KLHDC4: variants seen among roughly 807,000 people sequenced by gnomAD.
The protein encoded by KLHDC4 is kelch domain-containing protein 4.
In KLHDC4, 90 loss-of-function variants were observed where a neutral mutation model predicts 62.4. The ratio of observed to expected loss-of-function variants is 1.44; its 90% CI spans 1.22 to 1.72. The LOEUF (loss-of-function observed/expected upper bound fraction) is 1.72. KLHDC4 is among the 40% of genes most tolerant of loss of function. The pLI, the probability that KLHDC4 is intolerant of heterozygous loss-of-function variation, is 0.00. For missense variants in KLHDC4, 1,025 were observed against 699.7 expected, an observed-to-expected ratio of 1.47 and a Z score of -5.25; for synonymous variants, 386 against 284.4, an observed-to-expected ratio of 1.36 and a Z score of -3.59.
rs142595096 is a variant in KLHDC4, at chr16:87,740,200, A to T, written c.506+8473T>A. 1.4e-3 allele frequency among the ~76,000 whole-genome samples: 219 copies of T among 152,252 alleles called. 3 individuals carry two copies. The East Asian group carries it at 0.036, about 25-fold the overall frequency. On this transcript the variant is annotated intron_variant, in intron 5 of 11. Coordinates refer to ENST00000270583, the MANE Select transcript of KLHDC4 (RefSeq NM_017566.4). The stretch of plus-strand genomic sequence containing the variant: ...GGCAGGCAGACCTAACCAAACTCTG[A>T]ATCTTCAAAGCCAGCAAGCTCAGCC...
chr16:87,700,145 G>A (rs1438076538), exon 1 of KLHDC4: 2 of 152,538 alleles, frequency 1.3e-5, no homozygotes, highest in African/African-American at 4.8e-5. Flanking sequence ...ACGTGCGACA[G>A]ACGCTCTGCA....
At chr16:87,721,651 CA>C (rs2038374014) in intron 7 of KLHDC4, among the ~76,000 whole-genome samples, 1 of 152,196 alleles carries the variant, frequency 6.6e-6, no homozygotes, top group South Asian at 2.1e-4. Context: ...TCCACACTCG[CA>C]ACAACTCTGT....
intron 1 of KLHDC4, chr16:87,763,725 A>G (rs1391161144): frequency 6.6e-6 from 1 of 152,272 alleles, no homozygotes; most frequent in Non-Finnish European, 1.5e-5. Context: ...ATGTACCGCG[A>G]AAGCTTTGCT....
intron 5 of KLHDC4, among the ~76,000 whole-genome samples, chr16:87,742,354 T>A (rs938997646): frequency 6.6e-5 from 10 of 152,220 alleles, no homozygotes; most frequent in East Asian, 5.8e-4. Flanking sequence ...GAGAATGCTT[T>A]CATTCTGCAA....
In KLHDC4 at chr16:87,761,986, G is replaced by A. The variant is rs181978859; in HGVS notation, c.154C>T (p.Gln52Ter). 1.9e-5 allele frequency: 31 copies of A among 1,614,000 alleles called. No homozygotes were observed. In the East Asian group the frequency reaches 6.9e-4, roughly 36 times the overall value. The change falls in exon 2 of 12, where the codon CAG becomes TAG. Residue 52 changes from glutamine (Q) to a stop codon, truncating the protein, a stop_gained. Coordinates refer to ENST00000270583, the MANE Select transcript of KLHDC4 (RefSeq NM_017566.4). LOFTEE classifies it high-confidence loss of function. ...HFQTLDAKRTQTVELPCPPPS... is the reference protein window; with the variant it reads ...HFQTLDAKRT ...GGGGGGCACGGAAGTTCCACAGTCT[G>A]AGTCCTCTTGGCATCGAGTGTCTGG...
At chr16:87,738,522 C>G (rs1339793510) in intron 5 of KLHDC4, among the ~76,000 whole-genome samples, 7 of 152,142 alleles carry the variant, frequency 4.6e-5, no homozygotes, top group African/African-American at 7.2e-5. Context: ...CAACAGAAAA[C>G]CAAAACGTGG....
At chr16:87,704,430 G>A (rs113619464), downstream of KLHDC4, among the ~76,000 whole-genome samples, 2 of 54,380 alleles carry the variant, frequency 3.7e-5, no homozygotes, top group East Asian at 5.2e-4. Context: ...TGAACGTCAC[G>A]GGGAAGGAGG....
chr16:87,713,428 C>T (rs1201914444), intron 8 of KLHDC4, among the ~76,000 whole-genome samples: 2 of 151,358 alleles, frequency 1.3e-5, no homozygotes, highest in African/African-American at 4.9e-5. Context: ...AAACTCTTGG[C>T]CTCAAGCAAT....
chr16:87,731,046 C>CTTTTTTTTTTTTTTTTTTTTTT lies in KLHDC4; in HGVS notation c.507-424_507-403dup, dbSNP rs774096264. 2.8e-5 allele frequency: 2 copies of CTTTTTTTTTTTTTTTTTTTTTT among 72,030 alleles called. 1 individual carries two copies. Among genetic ancestry groups the CTTTTTTTTTTTTTTTTTTTTTT allele is most frequent in the Non-Finnish European group, 5.6e-5 (2 of 36,024 alleles). The allele number at this position is 72,030 out of a possible 1,614,324, so 4.5% of individuals were successfully genotyped here. A position where few individuals can be genotyped will look rare whatever the true frequency, so the allele number is the denominator to read the frequency against. On this transcript the variant is annotated intron_variant, in intron 5 of 11. Coordinates refer to ENST00000270583, the MANE Select transcript of KLHDC4 (RefSeq NM_017566.4). ...TTGTATCCAGAATACATACAGAATTCTTTTTTTTTTTTTTTTTTTTTTTTT... is the reference window on the plus strand; with the variant it reads ...TTGTATCCAGAATACATACAGAATTCTTTTTTTTTTTTTTTTTTTTTTTTTTTTTTTTTTTTTTTTTTTTTTT...
At chr16:87,721,768 A>C (rs1171016897) in intron 7 of KLHDC4, among the ~76,000 whole-genome samples, 1 of 152,208 alleles carries the variant, frequency 6.6e-6, no homozygotes, top group Non-Finnish European at 1.5e-5. Context: ...GGGCGTGCAG[A>C]GAACAGCCCT....
At chr16:87,742,770 A>G (rs12599814) in intron 5 of KLHDC4, among the ~76,000 whole-genome samples, 7,774 of 152,270 alleles carry the variant, frequency 0.051, 274 homozygotes, top group East Asian at 0.15. Context: ...CTCTGCCAGC[A>G]GACAGCTCTG....
In KLHDC4 at chr16:87,758,248, A is replaced by G. The variant is rs116354511; in HGVS notation, c.192-1771T>C. ...CGTTCCCAGGCATTAGCTCAAACAG[A>G]TACCTGTATGCAATGCTCGTTACGG... On this transcript the variant is annotated intron_variant, in intron 2 of 11. Coordinates refer to ENST00000270583, the MANE Select transcript of KLHDC4 (RefSeq NM_017566.4). 3.7e-3 allele frequency among the ~76,000 whole-genome samples: 562 copies of G among 152,358 alleles called. 2 individuals are homozygous for G. The highest frequency in any genetic ancestry group is 0.013 in the African/African-American group (547 of 41,584).
intron 5 of KLHDC4, among the ~76,000 whole-genome samples, chr16:87,744,960 T>C (rs1281386835): frequency 1.4e-5 from 2 of 142,374 alleles, no homozygotes; most frequent in Non-Finnish European, 3.0e-5. Flanking sequence ...TGCTCACACG[T>C]GCACACATGC....
chr16:87,736,342 G>A (rs866220568), intron 5 of KLHDC4, among the ~76,000 whole-genome samples: 5 of 152,180 alleles, frequency 3.3e-5, no homozygotes, highest in Admixed American at 2.0e-4. Context: ...ATGGTCCGTC[G>A]TGAACAGAAA....
At chr16:87,716,863 C>T (rs1014821031) in intron 7 of KLHDC4, among the ~76,000 whole-genome samples, 1 of 152,080 alleles carries the variant, frequency 6.6e-6, no homozygotes, top group East Asian at 1.9e-4. Flanking sequence ...ACCCAGGAGG[C>T]GGAGCTTGCA....
intron 5 of KLHDC4, among the ~76,000 whole-genome samples, chr16:87,733,567 G>C (rs1475330850): frequency 1.3e-5 from 2 of 151,966 alleles, no homozygotes; most frequent in African/African-American, 2.4e-5. Context: ...CCACTCCCTG[G>C]GATCCTCACT....
intron 9 of KLHDC4, 179 bp downstream of exon 9, chr16:87,711,056 C>A (rs942492199): frequency 2.4e-5 from 15 of 621,804 alleles, no homozygotes; most frequent in Non-Finnish European, 3.9e-5. Flanking sequence ...GGGACCGTGA[C>A]CAAGGGCTCT....
chr16:87,750,670 C>T (rs2043790655), intron 4 of KLHDC4, among the ~76,000 whole-genome samples: 1 of 152,222 alleles, frequency 6.6e-6, no homozygotes, highest in South Asian at 2.1e-4. Context: ...CCTCAGCAGG[C>T]TCCCTCCCGG....
At chr16:87,720,490 G>A (rs550218936) in intron 7 of KLHDC4, among the ~76,000 whole-genome samples, 4 of 152,198 alleles carry the variant, frequency 2.6e-5, no homozygotes, top group Non-Finnish European at 2.9e-5. Flanking sequence ...GCGACCGCAC[G>A]CACCGTGCCC....
Sources: gnomAD v4.1 joint callset for allele counts (sites outside exome capture counted in the v4.1 genomes callset) on GRCh38, gnomAD v4.1.1 for gene constraint, MANE v1.5 for transcripts, NCBI Gene and HGNC (gene_info 2026-07-23, HGNC 2026-07-21) for gene names.